The following TTLL5 variants were observed in gnomAD, a reference collection of about 807,000 sequenced individuals.
TTLL5 encodes the protein tubulin tyrosine ligase like 5, also known as tubulin polyglutamylase TTLL5.
A neutral mutation model predicts 168.4 loss-of-function variants in TTLL5; 132 were observed. The observed-to-expected ratio is 0.78, with a 90% CI of 0.68 to 0.91. The LOEUF is 0.91. Ranked by LOEUF, TTLL5 falls within the 40% of genes least tolerant of loss-of-function variation. The pLI is 0.00. For synonymous variants in TTLL5, 546 were observed against 558.6 expected (o/e 0.98, Z 0.32); for missense variants, 1,545 against 1,581.5 (o/e 0.98, Z 0.39).
intron 28 of TTLL5, among the ~76,000 whole-genome samples, chr14:75,831,516 A>C (rs996142890): frequency 6.6e-6 from 1 of 152,094 alleles, no homozygotes; most frequent in African/African-American, 2.4e-5. Flanking sequence ...GCCCACAGCC[A>C]CCGCCACCCC....
Position 75,702,938 on chromosome 14 carries a change from C to T in TTLL5, c.585+3668C>T, listed in dbSNP as rs141366911. 3.4e-3 allele frequency among the ~76,000 whole-genome samples: 511 copies of T among 152,286 alleles called. 7 individuals are homozygous for T. The highest frequency in any genetic ancestry group is 0.012 in the African/African-American group (498 of 41,568). On this transcript the variant is annotated intron_variant, in intron 7 of 31. Transcript: ENST00000298832. ...AAAATACTCCTGTTTTACCCCAAAA[C>T]TGGAATTTTACCACCTTTTACCCAG...
At chr14:75,685,899 A>G (rs533430299) in intron 5 of TTLL5, among the ~76,000 whole-genome samples, 1 of 152,274 alleles carries the variant, frequency 6.6e-6, no homozygotes, top group East Asian at 1.9e-4. Context: ...CTTCTGGGGT[A>G]CTTGTTTAAA....
At chr14:75,867,434 T>G (rs2030614703) in intron 29 of TTLL5, among the ~76,000 whole-genome samples, 1 of 152,188 alleles carries the variant, frequency 6.6e-6, no homozygotes, top group Non-Finnish European at 1.5e-5. Flanking sequence ...CCAAGCACTA[T>G]TCAGGGTTCT....
intron 23 of TTLL5, among the ~76,000 whole-genome samples, 160 bp downstream of exon 23, chr14:75,777,010 C>T (rs1049163217): frequency 6.6e-6 from 1 of 152,040 alleles, no homozygotes; most frequent in Non-Finnish European, 1.5e-5. Flanking sequence ...TACTTGGGAG[C>T]CTGAGGCAGG....
chr14:75,829,874 T>C (rs1262565159), intron 28 of TTLL5, among the ~76,000 whole-genome samples: 1 of 152,212 alleles, frequency 6.6e-6, no homozygotes, highest in Non-Finnish European at 1.5e-5. Flanking sequence ...TTTCAAGTGA[T>C]AGAAACTGAA....
At chr14:75,689,149 C>A (rs1885275378) in intron 5 of TTLL5, among the ~76,000 whole-genome samples, 1 of 152,164 alleles carries the variant, frequency 6.6e-6, no homozygotes, top group African/African-American at 2.4e-5. Context: ...AGGCACTTGG[C>A]CTTATGAAAA....
chr14:75,897,486 A>T (rs2032723389), intron 30 of TTLL5, among the ~76,000 whole-genome samples: 1 of 151,616 alleles, frequency 6.6e-6, no homozygotes, highest in African/African-American at 2.4e-5. Flanking sequence ...TTATTTATTT[A>T]TTTTTTGAGA....
chr14:75,746,177 T>C (rs1405832382), intron 17 of TTLL5, among the ~76,000 whole-genome samples: 4 of 152,234 alleles, frequency 2.6e-5, no homozygotes, highest in Middle Eastern at 3.2e-3. Context: ...ATGTACTCTT[T>C]TGTATCTGGA....
intron 24 of TTLL5, among the ~76,000 whole-genome samples, chr14:75,781,590 A>G (rs995665225): frequency 6.6e-6 from 1 of 152,198 alleles, no homozygotes; most frequent in East Asian, 1.9e-4. Context: ...GGAAAAAATT[A>G]GTTATTAATG....
intron 30 of TTLL5, among the ~76,000 whole-genome samples, chr14:75,888,230 C>T (rs990055456): frequency 1.3e-5 from 2 of 152,098 alleles, no homozygotes; most frequent in African/African-American, 4.8e-5. Context: ...GGTGCTACAA[C>T]CACACCTAAT....
chr14:75,851,121 A>C (rs1595149073), intron 28 of TTLL5, among the ~76,000 whole-genome samples: 1 of 143,562 alleles, frequency 7.0e-6, no homozygotes, highest in Non-Finnish European at 1.5e-5. Flanking sequence ...AAAAAAAGTT[A>C]ATGGAATAAG....
intron 28 of TTLL5, 34 bp downstream of exon 28, chr14:75,820,195 T>A (rs1169646021): frequency 6.5e-7 from 1 of 1,536,976 alleles, no homozygotes; most frequent in Non-Finnish European, 8.7e-7. Flanking sequence ...GCATTTGGGT[T>A]ACTCAGGGAT....
chr14:75,788,719 G>T (rs1406162000), intron 26 of TTLL5, among the ~76,000 whole-genome samples: 1 of 152,146 alleles, frequency 6.6e-6, no homozygotes, highest in African/African-American at 2.4e-5. Flanking sequence ...CTTCTGGAGT[G>T]TGGAAAAAGA....
chr14:75,930,627 G>A, intron 31 of TTLL5: 2 of 985,360 alleles, frequency 2.0e-6, no homozygotes, highest in Non-Finnish European at 2.4e-6. Flanking sequence ...GGAACAAGTG[G>A]ATCAGAGGTC....
chr14:75,926,394 A>G (rs1410222382), intron 31 of TTLL5, among the ~76,000 whole-genome samples: 1 of 152,000 alleles, frequency 6.6e-6, no homozygotes. Flanking sequence ...TGTCATTATG[A>G]TGTTAGCTGG....
chr14:75,954,534 T>C lies in TTLL5; in HGVS notation c.*88T>C. The C allele has an allele frequency of 6.6e-7, 1 of 1,508,994 alleles. No individual in the cohort carries two copies. The highest frequency in any genetic ancestry group is 1.8e-5 in the Admixed American group (1 of 55,112). The allele number at this position is 1,508,994 out of a possible 1,614,324, so 93.5% of individuals were successfully genotyped here. ...ATCCACCAGCACTTCAAGGGGTCCA[T>C]AGTATTTTTTTTTTTGCTGCCTCAA... On this transcript the variant is annotated 3_prime_UTR_variant, in exon 32 of 32. Transcript: ENST00000298832.
At chr14:75,773,921 T>TAA (rs1427081103) in intron 21 of TTLL5, among the ~76,000 whole-genome samples, 2 of 28,262 alleles carry the variant, frequency 7.1e-5, no homozygotes, top group African/African-American at 1.4e-4. Flanking sequence ...TATATATATA[T>TAA]ATATATAGAG....
intron 27 of TTLL5, among the ~76,000 whole-genome samples, chr14:75,810,337 T>TTCTCTC (rs142112640): frequency 2.0e-5 from 3 of 150,040 alleles, no homozygotes; most frequent in African/African-American, 7.3e-5. Context: ...CTAAATCATC[T>TTCTCTC]TCTCTCTCTC....
At chr14:75,946,441 A>G (rs2034775240) in intron 31 of TTLL5, among the ~76,000 whole-genome samples, 1 of 152,236 alleles carries the variant, frequency 6.6e-6, no homozygotes, top group African/African-American at 2.4e-5. Flanking sequence ...AAGGAGGAAA[A>G]GGAAACATGG....
Sources: gnomAD v4.1 joint callset for allele counts (sites outside exome capture counted in the v4.1 genomes callset) on GRCh38, gnomAD v4.1.1 for gene constraint, MANE v1.5 for transcripts, NCBI Gene and HGNC (gene_info 2026-07-23, HGNC 2026-07-21) for gene names.